The following UBN2 variants were observed in gnomAD, a reference collection of about 807,000 sequenced individuals.
UBN2 encodes ubinuclein-2.
In UBN2, 35 loss-of-function variants were observed where a neutral mutation model predicts 120.2. That is an observed-to-expected ratio of 0.29 (90% confidence interval 0.22 to 0.39). The LOEUF (loss-of-function observed/expected upper bound fraction) is 0.39, where lower values mean the gene tolerates loss of function less well. Among genes scored for constraint, UBN2 ranks in the 10% least tolerant of loss-of-function variants. The pLI, the probability that UBN2 is intolerant of heterozygous loss-of-function variation, is 1.00. For synonymous variants in UBN2, 661 were observed against 648.7 expected (o/e 1.02, Z -0.29); for missense variants, 1,693 against 1,663.2 (o/e 1.02, Z -0.31).
chr7:139,307,572 T>A lies in UBN2; in HGVS notation c.*9736T>A, dbSNP rs1798382752. 1 of 152,082 alleles carries A rather than the reference T, an allele frequency of 6.6e-6. No homozygotes were observed. Among genetic ancestry groups the A allele is most frequent in the Non-Finnish European group, 1.5e-5 (1 of 68,036 alleles). The allele number at this position is 152,082 out of a possible 1,614,324, so 9.4% of individuals were successfully genotyped here. A position where few individuals can be genotyped will look rare whatever the true frequency, so the allele number is the denominator to read the frequency against. On this transcript the variant is annotated 3_prime_UTR_variant, in exon 18 of 18. Transcript: ENST00000473989. ...GTGTGCGTGTGTGTTTGTATAAGGCTCTTTTGAGATGAACTGGTGCTTGTT... is the reference window on the plus strand; with the variant it reads ...GTGTGCGTGTGTGTTTGTATAAGGCACTTTTGAGATGAACTGGTGCTTGTT...
chr7:139,266,537 C>G (rs1181951332), intron 7 of UBN2, 134 bp downstream of exon 7: 1 of 482,692 alleles, frequency 2.1e-6, no homozygotes, highest in Non-Finnish European at 3.8e-6. Flanking sequence ...ATGTATGATT[C>G]ACATTTGTTT....
intron 5 of UBN2, among the ~76,000 whole-genome samples, chr7:139,259,686 T>C (rs1183208800): frequency 3.9e-5 from 6 of 152,188 alleles, no homozygotes; most frequent in Non-Finnish European, 1.5e-5. Context: ...TTTAGATGCC[T>C]GGGGAATGAG....
chr7:139,279,477 G>C, intron 13 of UBN2, 117 bp downstream of exon 13: 2 of 705,024 alleles, frequency 2.8e-6, no homozygotes, highest in Non-Finnish European at 4.6e-6. Context: ...TAAGATAGAT[G>C]TTTTCAACTT....
chr7:139,236,047 C>T (rs58330584), intron 1 of UBN2, among the ~76,000 whole-genome samples: 2,923 of 152,182 alleles, frequency 0.019, 102 homozygotes, highest in African/African-American at 0.066. Flanking sequence ...AGTCAGTTGT[C>T]TGAAATTGGA....
chr7:139,320,851 G>C, the UBN2 span, among the ~76,000 whole-genome samples: 26 of 141,112 alleles, frequency 1.8e-4, no homozygotes, highest in Non-Finnish European at 4.6e-5. Context: ...GTGAGACTCC[G>C]TCTCAAAAAA....
At chr7:139,252,476 A>C (rs1020229571) in intron 3 of UBN2, among the ~76,000 whole-genome samples, 1 of 152,158 alleles carries the variant, frequency 6.6e-6, no homozygotes, top group African/African-American at 2.4e-5. Flanking sequence ...GTGAAATTTA[A>C]ATTTCATATA....
intron 2 of UBN2, among the ~76,000 whole-genome samples, chr7:139,240,454 A>ATATATATATATAT (rs371717591): frequency 2.4e-5 from 3 of 123,148 alleles, no homozygotes; most frequent in African/African-American, 9.6e-5. Context: ...ATATATATAT[A>ATATATATATATAT]TTTTTTTTTT....
chr7:139,232,637 C>G (rs1473530009), intron 1 of UBN2, among the ~76,000 whole-genome samples: 1 of 151,904 alleles, frequency 6.6e-6, no homozygotes, highest in Non-Finnish European at 1.5e-5. Flanking sequence ...TTGTGGAGTT[C>G]GTTCATATTG....
chr7:139,294,853 A>T (rs1381154659), intron 17 of UBN2, among the ~76,000 whole-genome samples: 1 of 152,156 alleles, frequency 6.6e-6, no homozygotes, highest in African/African-American at 2.4e-5. Flanking sequence ...AAAAAAAATT[A>T]ATATGATCCA....
intron 13 of UBN2, among the ~76,000 whole-genome samples, 200 bp downstream of exon 13, chr7:139,279,560 A>G (rs191653259): frequency 2.6e-5 from 4 of 152,340 alleles, no homozygotes; most frequent in Admixed American, 1.3e-4. Flanking sequence ...GCATACACCA[A>G]TTGTGAAGCT....
intron 8 of UBN2, 102 bp downstream of exon 8, chr7:139,269,625 T>C: frequency 2.4e-6 from 3 of 1,260,328 alleles, no homozygotes; most frequent in Non-Finnish European, 3.3e-6. Context: ...TATAGTCATA[T>C]TGTATGTATT....
chr7:139,263,377 T>G (rs1315326081), intron 6 of UBN2, among the ~76,000 whole-genome samples: 1 of 152,144 alleles, frequency 6.6e-6, no homozygotes. Flanking sequence ...TATTTTTTAG[T>G]AAATAAATAT....
rs1369243389 is a variant in UBN2, at chr7:139,305,093, C to T, written c.*7257C>T. On this transcript the variant is annotated 3_prime_UTR_variant, in exon 18 of 18. Coordinates refer to ENST00000473989, the MANE Select transcript of UBN2 (RefSeq NM_173569.4). ...TTGGGTTGTTAATGATAAAATCATC[C>T]CAGTGTTCAATTCTGAGAGTTTTAG... 1.3e-5 allele frequency: 2 copies of T among 152,092 alleles called. No individual in the cohort carries two copies. Among genetic ancestry groups the T allele is most frequent in the African/African-American group, 4.8e-5 (2 of 41,412 alleles). The allele number at this position is 152,092 out of a possible 1,614,324, so 9.4% of individuals were successfully genotyped here. A position where few individuals can be genotyped will look rare whatever the true frequency, so the allele number is the denominator to read the frequency against.
intron 2 of UBN2, among the ~76,000 whole-genome samples, chr7:139,251,411 T>G (rs1796621467): frequency 6.6e-6 from 1 of 152,224 alleles, no homozygotes; most frequent in Non-Finnish European, 1.5e-5. Flanking sequence ...TCCTAGTGTC[T>G]TTTTTCAGTT....
chr7:139,231,735 T>C lies in UBN2; in HGVS notation c.251T>C (p.Met84Thr). ...GAGGTCAGCCGCGCCGAGCCGCCCATGTCGCTGCAGCGGGAGCCCCCGCGG... is the reference window on the plus strand; with the variant it reads ...GAGGTCAGCCGCGCCGAGCCGCCCACGTCGCTGCAGCGGGAGCCCCCGCGG... Reference protein sequence around the residue: ...QREVSRAEPPMSLQREPPRPE... With the variant: ...QREVSRAEPPTSLQREPPRPE... Residue 84 changes from methionine to threonine, a missense_variant, in exon 1 of 18, where the codon ATG becomes ACG. Physicochemically the swap from Met to Thr is moderately conservative, Grantham distance 81. Coordinates refer to ENST00000473989, the MANE Select transcript of UBN2 (RefSeq NM_173569.4). 8.3e-7 allele frequency: 1 copy of C among 1,204,280 alleles called. No homozygotes were observed. Among genetic ancestry groups the C allele is most frequent in the East Asian group, 3.9e-5 (1 of 25,476 alleles). The allele number at this position is 1,204,280 out of a possible 1,614,324, so 74.6% of individuals were successfully genotyped here. A position where few individuals can be genotyped will look rare whatever the true frequency, so the allele number is the denominator to read the frequency against.
rs897322539 is a variant in UBN2 at position 139,297,710 on chromosome 7, GTTGTTTTTGCT to G, written c.3995-67_3995-57del. On this transcript the variant is annotated intron_variant, in intron 17 of 17. Coordinates refer to ENST00000473989, the MANE Select transcript of UBN2 (RefSeq NM_173569.4). ...CATCCACAAAAGATAAAAGTTAATT[GTTGTTTTTGCT>G]TTGTTTTTGTTAGCTGGTTTTTGTA... 1.3e-5 allele frequency: 18 copies of G among 1,340,092 alleles called. No homozygotes were observed. The African/African-American group carries it at 2.5e-4, about 18-fold the overall frequency. The allele number at this position is 1,340,092 out of a possible 1,614,324, so 83.0% of individuals were successfully genotyped here.
At chr7:139,279,414 C>T (rs1010353921) in intron 13 of UBN2, 54 bp downstream of exon 13, 5 of 1,386,488 alleles carry the variant, frequency 3.6e-6, no homozygotes, top group South Asian at 2.4e-5. Context: ...TGTTGAAATA[C>T]ATTCCTAAGA....
At chr7:139,256,365 T>C (rs959543164) in intron 3 of UBN2, among the ~76,000 whole-genome samples, 5 of 152,208 alleles carry the variant, frequency 3.3e-5, no homozygotes, top group Non-Finnish European at 7.4e-5. Flanking sequence ...CACCAAATTA[T>C]CAGAACTAAT....
intron 11 of UBN2, 132 bp downstream of exon 11, chr7:139,274,206 T>A (rs565421333): frequency 1.8e-4 from 155 of 846,316 alleles, no homozygotes; most frequent in South Asian, 1.1e-3. Flanking sequence ...TGTCTAGTCA[T>A]CTCAGATGAT....
Sources: allele counts gnomAD v4.1 joint callset (sites outside exome capture counted in the v4.1 genomes callset), GRCh38; gene constraint gnomAD v4.1.1; transcripts MANE v1.5; gene names NCBI Gene and HGNC (gene_info 2026-07-23, HGNC 2026-07-21).